The following FRMD5 variants were observed in gnomAD, a reference collection of about 807,000 sequenced individuals.
FRMD5 encodes the protein FERM domain-containing protein 5.
FRMD5 carries 20 observed loss-of-function variants against 69.0 expected under a neutral mutation model. The observed-to-expected ratio is 0.29, with a 90% confidence interval of 0.20 to 0.42. The LOEUF is 0.42. Ranked by LOEUF, FRMD5 falls within the 10% of genes least tolerant of loss-of-function variation. The probability of loss-of-function intolerance (pLI) is 1.00; values close to 1 mark genes in which losing one functional copy is unlikely to be tolerated. For missense variants in FRMD5, 595 were observed against 708.6 expected (o/e 0.84, Z 1.82); for synonymous variants, 271 against 260.1 (o/e 1.04, Z -0.40).
At chr15:44,070,700 T>A (rs1232139274) in intron 1 of FRMD5, among the ~76,000 whole-genome samples, 1 of 152,198 alleles carries the variant, frequency 6.6e-6, no homozygotes, top group African/African-American at 2.4e-5. Context: ...GTAATTAACT[T>A]ATGTAGTCCA....
At chr15:44,028,653 G>C (rs1392032098) in intron 1 of FRMD5, among the ~76,000 whole-genome samples, 1 of 152,172 alleles carries the variant, frequency 6.6e-6, no homozygotes, top group East Asian at 1.9e-4. Context: ...CAGAGGCTCA[G>C]GGGGGTGCAA....
chr15:44,129,801 C>G (rs950117784), intron 1 of FRMD5, among the ~76,000 whole-genome samples: 9 of 152,096 alleles, frequency 5.9e-5, no homozygotes, highest in South Asian at 4.1e-4. Context: ...TTGTTTCTTC[C>G]AACAGAAAAG....
chr15:44,158,815 A>G (rs1435741831), intron 1 of FRMD5, among the ~76,000 whole-genome samples: 1 of 152,230 alleles, frequency 6.6e-6, no homozygotes, highest in Non-Finnish European at 1.5e-5. Flanking sequence ...CAGCAGGCAT[A>G]GTGCTAGAAG....
chr15:44,058,484 A>C (rs1441189339), intron 1 of FRMD5, among the ~76,000 whole-genome samples: 1 of 152,168 alleles, frequency 6.6e-6, no homozygotes, highest in Admixed American at 6.5e-5. Context: ...CTTTAAATAG[A>C]TAAATTGTAT....
intron 4 of FRMD5, among the ~76,000 whole-genome samples, chr15:43,918,765 G>C (rs1174138741): frequency 6.6e-6 from 1 of 152,200 alleles, no homozygotes; most frequent in Non-Finnish European, 1.5e-5. Context: ...TAGAGTTCTT[G>C]AATCTCTGAG....
chr15:44,140,845 TGCACTCTAGCCTG>T (rs2077260880), intron 1 of FRMD5, among the ~76,000 whole-genome samples: 1 of 122,646 alleles, frequency 8.2e-6, no homozygotes, highest in Non-Finnish European at 1.6e-5. Flanking sequence ...ATCACATCAT[TGCACTCTAGCCTG>T]GGTGACAGAG....
chr15:44,123,453 T>C (rs112636686), intron 1 of FRMD5, among the ~76,000 whole-genome samples: 17 of 152,248 alleles, frequency 1.1e-4, no homozygotes, highest in African/African-American at 3.6e-4. Context: ...TGGAAATCAA[T>C]AGCAACTCAA....
intron 1 of FRMD5, among the ~76,000 whole-genome samples, chr15:43,934,260 G>A (rs1441315745): frequency 1.3e-5 from 2 of 152,194 alleles, no homozygotes; most frequent in Admixed American, 1.3e-4. Flanking sequence ...CAGGAGGGAA[G>A]CGATGGGAGT....
chr15:43,935,220 C>T, intron 1 of FRMD5, among the ~76,000 whole-genome samples: 1 of 152,236 alleles, frequency 6.6e-6, no homozygotes, highest in Non-Finnish European at 1.5e-5. Flanking sequence ...TGGCTCCCGC[C>T]TGTAATCCCA....
chr15:44,086,630 T>C (rs1269652511), intron 1 of FRMD5, among the ~76,000 whole-genome samples: 1 of 152,152 alleles, frequency 6.6e-6, no homozygotes, highest in Admixed American at 6.5e-5. Flanking sequence ...TAGTGAGTGA[T>C]GAGGTTACAT....
chr15:43,997,367 A>G (rs1165354292), intron 1 of FRMD5, among the ~76,000 whole-genome samples: 3 of 152,168 alleles, frequency 2.0e-5, no homozygotes, highest in African/African-American at 7.2e-5. Flanking sequence ...AAGAAAACAT[A>G]TTTTTGACTC....
At chr15:44,168,862 A>T (rs2077753552) in intron 1 of FRMD5, among the ~76,000 whole-genome samples, 1 of 152,086 alleles carries the variant, frequency 6.6e-6, no homozygotes, top group Non-Finnish European at 1.5e-5. Flanking sequence ...AGGTGACTAA[A>T]CGCTATTTCA....
At chr15:44,151,102 A>G (rs1024786668) in intron 1 of FRMD5, among the ~76,000 whole-genome samples, 2 of 61,978 alleles carry the variant, frequency 3.2e-5, no homozygotes, top group African/African-American at 5.3e-5. Flanking sequence ...AAAAAACAAA[A>G]CAAAACAAAA....
At chr15:43,909,850 A>T in intron 5 of FRMD5, 32 bp downstream of exon 5, 1 of 1,374,950 alleles carries the variant, frequency 7.3e-7, no homozygotes, top group Non-Finnish European at 1.0e-6. Context: ...ACTTGGCATG[A>T]AAAGCAAACT....
At chr15:44,004,698 C>T (rs940086706) in intron 1 of FRMD5, among the ~76,000 whole-genome samples, 13 of 152,162 alleles carry the variant, frequency 8.5e-5, no homozygotes, top group Admixed American at 8.5e-4. Flanking sequence ...TGAGACACAA[C>T]AATATTGAAA....
At chr15:44,082,662 CATAG>C (rs1894043866) in intron 1 of FRMD5, among the ~76,000 whole-genome samples, 1 of 151,860 alleles carries the variant, frequency 6.6e-6, no homozygotes, top group African/African-American at 2.4e-5. Flanking sequence ...TTCCTAAAAG[CATAG>C]CTGAAGGTCA....
intron 1 of FRMD5, chr15:43,990,080 C>T (rs1460377258): frequency 1.4e-6 from 1 of 695,826 alleles, no homozygotes; most frequent in African/African-American, 1.8e-5. Context: ...GGGCGCCCCA[C>T]AATGAAGGGG....
intron 1 of FRMD5, among the ~76,000 whole-genome samples, chr15:43,988,356 A>C (rs1449448239): frequency 2.7e-4 from 13 of 48,028 alleles, no homozygotes; most frequent in Non-Finnish European, 7.4e-4. Flanking sequence ...GGTCATTAGC[A>C]CTTTTTTTTT....
At chr15:43,966,594 A>C (rs991245258) in intron 1 of FRMD5, among the ~76,000 whole-genome samples, 3 of 152,188 alleles carry the variant, frequency 2.0e-5, no homozygotes, top group Non-Finnish European at 4.4e-5. Context: ...AGGAGGGATG[A>C]GGCTGATTTT....
Sources: allele counts gnomAD v4.1 joint callset (sites outside exome capture counted in the v4.1 genomes callset), GRCh38; gene constraint gnomAD v4.1.1; transcripts MANE v1.5; gene names NCBI Gene and HGNC (gene_info 2026-07-23, HGNC 2026-07-21).